Variants in DPYD observed in about 807,000 individuals in gnomAD.
DPYD encodes the protein dihydropyrimidine dehydrogenase [NADP(+)].
DPYD carries 109 observed loss-of-function variants against 116.2 expected under a neutral mutation model. That is an observed-to-expected ratio of 0.94 (90% CI 0.80 to 1.10). The LOEUF (loss-of-function observed/expected upper bound fraction) is 1.10, where lower values mean the gene tolerates loss of function less well. Among genes scored for constraint, DPYD ranks in the 50% least tolerant of loss-of-function variants. The probability of loss-of-function intolerance (pLI) is 0.00; values close to 1 mark genes in which losing one functional copy is unlikely to be tolerated. For missense variants in DPYD, 1,302 were observed against 1,254.5 expected (o/e 1.04, Z -0.57); for synonymous variants, 440 against 432.0 (o/e 1.02, Z -0.23).
chr1:97,166,395 G>C (rs1179462410), intron 20 of DPYD, among the ~76,000 whole-genome samples: 1 of 151,866 alleles, frequency 6.6e-6, no homozygotes, highest in Non-Finnish European at 1.5e-5. Flanking sequence ...GAAGGGAACA[G>C]ACACACTGGG....
intron 20 of DPYD, among the ~76,000 whole-genome samples, chr1:97,181,482 C>T (rs1381841838): frequency 1.3e-5 from 2 of 152,058 alleles, no homozygotes; most frequent in African/African-American, 4.8e-5. Context: ...TAATTTATCT[C>T]CATTTTACCT....
At chr1:97,444,978 G>C (rs1050719532) in intron 14 of DPYD, among the ~76,000 whole-genome samples, 9 of 152,110 alleles carry the variant, frequency 5.9e-5, no homozygotes, top group Admixed American at 4.6e-4. Context: ...AATTATAAAG[G>C]AGACCTAACG....
At chr1:97,917,714 G>A (rs1370393188) in intron 1 of DPYD, among the ~76,000 whole-genome samples, 1 of 152,122 alleles carries the variant, frequency 6.6e-6, no homozygotes, top group Non-Finnish European at 1.5e-5. Context: ...GTAACAGATA[G>A]CAACTTGGTT....
intron 14 of DPYD, among the ~76,000 whole-genome samples, chr1:97,400,706 A>G (rs1461871824): frequency 6.6e-6 from 1 of 152,000 alleles, no homozygotes; most frequent in African/African-American, 2.4e-5. Context: ...GAATTTATCC[A>G]TTTCTTCTAG....
intron 8 of DPYD, among the ~76,000 whole-genome samples, chr1:97,650,548 T>G (rs1658522513): frequency 6.6e-6 from 1 of 152,178 alleles, no homozygotes; most frequent in Non-Finnish European, 1.5e-5. Flanking sequence ...TAGATTTTAG[T>G]TTATGATGGT....
At chr1:97,533,935 G>A (rs1649819719) in intron 12 of DPYD, among the ~76,000 whole-genome samples, 1 of 152,104 alleles carries the variant, frequency 6.6e-6, no homozygotes, top group South Asian at 2.1e-4. Flanking sequence ...GTATCCTTCT[G>A]TTCCCATGGT....
chr1:97,380,282 C>A (rs962786090), intron 15 of DPYD, among the ~76,000 whole-genome samples: 2 of 152,098 alleles, frequency 1.3e-5, no homozygotes, highest in Admixed American at 1.3e-4. Flanking sequence ...TCTTCTTTTG[C>A]ATAGAATTGG....
At chr1:97,631,621 A>C (rs542608495) in intron 8 of DPYD, among the ~76,000 whole-genome samples, 2 of 152,114 alleles carry the variant, frequency 1.3e-5, no homozygotes, top group Non-Finnish European at 2.9e-5. Flanking sequence ...GGAATTTCAT[A>C]TATAAAAATA....
chr1:97,082,671 A>C (rs1252861555), intron 21 of DPYD, among the ~76,000 whole-genome samples: 1 of 152,168 alleles, frequency 6.6e-6, no homozygotes. Context: ...GGCAATATGC[A>C]TGCCTGGCTT....
intron 16 of DPYD, among the ~76,000 whole-genome samples, chr1:97,347,687 T>C (rs745507338): frequency 6.6e-5 from 10 of 152,044 alleles, no homozygotes; most frequent in Admixed American, 1.3e-4. Context: ...GTTTTTTCAA[T>C]TGACAGACAA....
intron 16 of DPYD, among the ~76,000 whole-genome samples, chr1:97,348,163 G>A (rs569878124): frequency 5.9e-5 from 9 of 152,160 alleles, no homozygotes; most frequent in South Asian, 2.1e-4. Context: ...TTAAATGCCC[G>A]ATTAACAAAC....
chr1:97,809,402 C>G (rs540655822), intron 3 of DPYD, among the ~76,000 whole-genome samples: 1 of 152,160 alleles, frequency 6.6e-6, no homozygotes, highest in Non-Finnish European at 1.5e-5. Context: ...CACCACACCT[C>G]CAGCCCAAGA....
chr1:97,476,545 G>A (rs542519020), intron 13 of DPYD, among the ~76,000 whole-genome samples: 7 of 152,032 alleles, frequency 4.6e-5, no homozygotes, highest in Non-Finnish European at 8.8e-5. Context: ...AAAGAAATAA[G>A]AATCTTTGTG....
chr1:97,494,751 AACACACACAC>A (rs10657499), intron 13 of DPYD, among the ~76,000 whole-genome samples: 2 of 146,636 alleles, frequency 1.4e-5, no homozygotes, highest in Non-Finnish European at 3.0e-5. Flanking sequence ...CAAAAAAGAA[AACACACACAC>A]ACACACACAC....
intron 18 of DPYD, among the ~76,000 whole-genome samples, chr1:97,295,042 T>C (rs890052578): frequency 1.3e-5 from 2 of 152,200 alleles, no homozygotes; most frequent in Non-Finnish European, 2.9e-5. Flanking sequence ...TCTCTGATAT[T>C]AATAAAAATG....
At chr1:97,581,251 C>T (rs969224861) in intron 10 of DPYD, among the ~76,000 whole-genome samples, 3 of 131,240 alleles carry the variant, frequency 2.3e-5, no homozygotes, top group African/African-American at 5.5e-5. Context: ...GGCATGAACC[C>T]GGGAAGTGGA....
At position 97,573,960 on chromosome 1, in the gene DPYD, G is replaced by C. The variant is rs1354585423; in HGVS notation, c.1139C>G (p.Ala380Gly). ...CAGAAATTCACACTTTTCTTCCTTA[G>C]CAAGTTCCATCTAAAACAAAACAGA... ...IRAVPEEMEL[A>G]KEEKCEFLPF... The change falls in exon 11 of 23, where the codon GCT becomes GGT. Residue 380 changes from alanine (A) to glycine (G), a missense_variant. By Grantham distance (60) the Ala-to-Gly change is moderately conservative. Coordinates refer to ENST00000370192, the MANE Select transcript of DPYD (RefSeq NM_000110.4). The C allele has an allele frequency of 5.0e-6, 8 of 1,613,270 alleles. No homozygotes were observed. In the Admixed American group the frequency reaches 6.7e-5, roughly 13 times the overall value.
At chr1:97,871,589 C>CA (rs370937833) in intron 2 of DPYD, among the ~76,000 whole-genome samples, 17,111 of 114,040 alleles carry the variant, frequency 0.15, 1,107 homozygotes, top group Middle Eastern at 0.2. Context: ...GAAATACAGG[C>CA]AAAAAAAAAA....
At chr1:97,717,762 G>A (rs545956387) in intron 5 of DPYD, among the ~76,000 whole-genome samples, 16 of 151,832 alleles carry the variant, frequency 1.1e-4, no homozygotes, top group East Asian at 9.7e-4. Flanking sequence ...ACATTGCAGC[G>A]AATGCCATTA....
Sources: gnomAD v4.1 joint callset for allele counts (sites outside exome capture counted in the v4.1 genomes callset) on GRCh38, gnomAD v4.1.1 for gene constraint, MANE v1.5 for transcripts, NCBI Gene and HGNC (gene_info 2026-07-23, HGNC 2026-07-21) for gene names.